The following IGSF3 variants were observed in gnomAD, a reference collection of about 807,000 sequenced individuals.
The protein encoded by IGSF3 is glu-Trp-Ile EWI motif-containing protein 3.
IGSF3 carries 23 observed loss-of-function variants against 114.4 expected under a neutral mutation model. That is an observed-to-expected ratio of 0.20 (90% CI 0.14 to 0.28). The LOEUF (loss-of-function observed/expected upper bound fraction) is 0.28. Among genes scored for constraint, IGSF3 ranks in the 10% least tolerant of loss-of-function variants. The pLI, the probability that IGSF3 is intolerant of heterozygous loss-of-function variation, is 1.00. For synonymous variants in IGSF3, 571 were observed against 645.2 expected, an observed-to-expected ratio of 0.88 and a Z score of 1.74; for missense variants, 1,172 against 1,591.5, an observed-to-expected ratio of 0.74 and a Z score of 4.48.
Position 116,600,445 on chromosome 1 carries a change from G to A in IGSF3, c.1625-100C>T, listed in dbSNP as rs59940339. On this transcript the variant is annotated intron_variant, in intron 6 of 10. Transcript: ENST00000369486. This position sits in a 1 kb window ranked among gnomAD's most constrained non-coding sequence, Gnocchi z 5.5. ...GCAGCTGGCAAAGCAAGCAGTGTGG[G>A]ACAGAGGCTCTCGGAGCCCCTTTTG... 43,031 of 963,674 alleles carry A rather than the reference G, an allele frequency of 0.045. 1,545 individuals carry two copies. The highest frequency in any genetic ancestry group is 0.1 in the African/African-American group (6,274 of 60,844). The allele number at this position is 963,674 out of a possible 1,614,324, so 59.7% of individuals were successfully genotyped here. A position where few individuals can be genotyped will look rare whatever the true frequency, so the allele number is the denominator to read the frequency against.
intron 2 of IGSF3, among the ~76,000 whole-genome samples, chr1:116,652,538 T>C (rs1648675630): frequency 6.6e-6 from 1 of 152,168 alleles, no homozygotes; most frequent in Non-Finnish European, 1.5e-5. Flanking sequence ...CCAAATTCTT[T>C]TGCAAGACAC....
At chr1:116,581,320 CTTTTTTTTTT>C (rs955415319) in intron 9 of IGSF3, among the ~76,000 whole-genome samples, 3 of 70,592 alleles carry the variant, frequency 4.2e-5, no homozygotes, top group African/African-American at 1.1e-4. Context: ...GTTTTGCTGT[CTTTTTTTTTT>C]TTTTTTTTTT....
chr1:116,651,971 T>C lies in IGSF3; in HGVS notation c.43+14313A>G, dbSNP rs1388911632. On this transcript the variant is annotated intron_variant, in intron 2 of 10. Transcript: ENST00000369486. The surrounding 1 kb of genome is among the most constrained non-coding windows in gnomAD (Gnocchi z 4.4). Reference sequence around the variant, plus strand: ...CTGGCCAAGCATATAGCAGAACACATCATATATTTGTTAAATGTATTGATT... The same window carrying C: ...CTGGCCAAGCATATAGCAGAACACACCATATATTTGTTAAATGTATTGATT... Among the ~76,000 whole-genome samples, 1 of 152,194 alleles carries C rather than the reference T, an allele frequency of 6.6e-6. No individual in the cohort carries two copies. Among genetic ancestry groups the C allele is most frequent in the Non-Finnish European group, 1.5e-5 (1 of 68,038 alleles).
rs980468525 is a variant in IGSF3, at chr1:116,629,170, A to G, written c.44-12713T>C. Among the ~76,000 whole-genome samples the G allele has an allele frequency of 1.3e-5, 2 of 152,250 alleles. No homozygotes were observed. Among genetic ancestry groups the G allele is most frequent in the African/African-American group, 4.8e-5 (2 of 41,470 alleles). On this transcript the variant is annotated intron_variant, in intron 2 of 10. Transcript: ENST00000369486. The surrounding 1 kb of genome is among the most constrained non-coding windows in gnomAD (Gnocchi z 4.3). Reference sequence around the variant, plus strand: ...CTCCCCATGTGGTGAAATAGTATGCAACCATTTAAAAACTGCAGAGAACAA... The same window carrying G: ...CTCCCCATGTGGTGAAATAGTATGCGACCATTTAAAAACTGCAGAGAACAA...
rs557463998 is a variant in IGSF3 at position 116,589,125 on chromosome 1, C to G, written c.2030-21G>C. 6.3e-7 allele frequency: 1 copy of G among 1,596,966 alleles called. No individual in the cohort carries two copies. The highest frequency in any genetic ancestry group is 1.3e-5 in the African/African-American group (1 of 74,616). ...TGTCACTGCAAAGGAAAGGGGAACA[C>G]AGGAATCACCACAGACTCCCAGAAA... On this transcript the variant is annotated intron_variant, in intron 7 of 10. Transcript: ENST00000369486. The surrounding 1 kb of genome is among the most constrained non-coding windows in gnomAD (Gnocchi z 5.7).
At chr1:116,601,116 A>G (rs534305427) in intron 6 of IGSF3, among the ~76,000 whole-genome samples, 51 of 152,320 alleles carry the variant, frequency 3.3e-4, no homozygotes, top group South Asian at 8.3e-4. Context: ...TCTAGGTGCA[A>G]GCATGGTGCC....
rs1419898763 is a variant in IGSF3, at chr1:116,625,738, C to A, written c.44-9281G>T. ...CAAAAATATCATTCATTCACTCTTT[C>A]ATTCTTTCTCTTATCTGAATCCCCA... On this transcript the variant is annotated intron_variant, in intron 2 of 10. Coordinates refer to ENST00000369486, the MANE Select transcript of IGSF3 (RefSeq NM_001007237.3). This position sits in a 1 kb window ranked among gnomAD's most constrained non-coding sequence, Gnocchi z 4.7. Among the ~76,000 whole-genome samples, 6 of 152,218 alleles carry A rather than the reference C, an allele frequency of 3.9e-5. No individual in the cohort carries two copies. The highest frequency in any genetic ancestry group is 8.8e-5 in the Non-Finnish European group (6 of 68,038).
intron 2 of IGSF3, among the ~76,000 whole-genome samples, chr1:116,631,047 G>C (rs1268553941): frequency 1.3e-5 from 2 of 152,150 alleles, no homozygotes; most frequent in African/African-American, 2.4e-5. Context: ...GGCCGGGCAT[G>C]GTGGCTCACG....
chr1:116,601,626 ATCTTTTGGC>A (rs1425638585), intron 6 of IGSF3, among the ~76,000 whole-genome samples: 2 of 152,242 alleles, frequency 1.3e-5, no homozygotes, highest in Non-Finnish European at 2.9e-5. Context: ...CACAGGATGA[ATCTTTTGGC>A]TTTCTATGGT....
chr1:116,634,189 C>T lies in IGSF3; in HGVS notation c.44-17732G>A, dbSNP rs115194459. On this transcript the variant is annotated intron_variant, in intron 2 of 10. Transcript: ENST00000369486. The surrounding 1 kb of genome is among the most constrained non-coding windows in gnomAD (Gnocchi z 4.2). ...AACACATGTGAATGTATTACCTATT[C>T]GAAAAACAAATGAGTAAAAACACAT... 0.013 allele frequency among the ~76,000 whole-genome samples: 1,910 copies of T among 152,132 alleles called. 32 individuals carry two copies. The highest frequency in any genetic ancestry group is 0.031 in the African/African-American group (1,297 of 41,474).
In IGSF3 at chr1:116,598,801, C is replaced by T. The variant is rs1660448969; in HGVS notation, c.2029+1140G>A. On this transcript the variant is annotated intron_variant, in intron 7 of 10. Coordinates refer to ENST00000369486, the MANE Select transcript of IGSF3 (RefSeq NM_001007237.3). The surrounding 1 kb of genome is among the most constrained non-coding windows in gnomAD (Gnocchi z 4.3). ...CTACTGCCTGGGCTCCACCCTCCACCAGCTTCTAACCTGGCAGGAGACAAG... is the reference window on the plus strand; with the variant it reads ...CTACTGCCTGGGCTCCACCCTCCACTAGCTTCTAACCTGGCAGGAGACAAG... 6.6e-6 allele frequency among the ~76,000 whole-genome samples: 1 copy of T among 152,224 alleles called. No individual in the cohort carries two copies. Among genetic ancestry groups the T allele is most frequent in the Non-Finnish European group, 1.5e-5 (1 of 68,040 alleles).
chr1:116,585,050 T>C lies in IGSF3; in HGVS notation c.2443A>G (p.Ser815Gly), dbSNP rs1365750869. Residue 815 changes from serine (S) to glycine (G), a missense_variant and splice_region_variant, in exon 9 of 11, where the codon AGC becomes GGC. Around this residue, in one of 3 missense-constraint regions of IGSF3, gnomAD observed 423 missense variants for 509.8 expected, o/e 0.83. Transcript: ENST00000369486. This position sits in a 1 kb window ranked among gnomAD's most constrained non-coding sequence, Gnocchi z 4.9. The stretch of plus-strand genomic sequence containing the variant: ...TGGGCTTGGCTGAGCCTCAGGCGGC[T>C]GTCTGGAACAGTAAGGAAGAGACGT... ...RTEVTVKQPD[S>G]RLRLSQAQGN... The C allele has an allele frequency of 6.6e-7, 1 of 1,525,622 alleles. No individual in the cohort carries two copies. Among genetic ancestry groups the C allele is most frequent in the East Asian group, 2.3e-5 (1 of 43,898 alleles). The allele number at this position is 1,525,622 out of a possible 1,614,324, so 94.5% of individuals were successfully genotyped here.
Position 116,627,923 on chromosome 1 carries a change from C to G in IGSF3, c.44-11466G>C, listed in dbSNP as rs1647374429. On this transcript the variant is annotated intron_variant, in intron 2 of 10. Transcript: ENST00000369486. The surrounding 1 kb of genome is among the most constrained non-coding windows in gnomAD (Gnocchi z 4.7). The stretch of plus-strand genomic sequence containing the variant: ...CGTGTCCTACTCAGAGCAGCCCCTT[C>G]AGCTCTTCACCCTGGAAAGCACTCC... 6.6e-6 allele frequency among the ~76,000 whole-genome samples: 1 copy of G among 152,154 alleles called. No homozygotes were observed. The highest frequency in any genetic ancestry group is 1.5e-5 in the Non-Finnish European group (1 of 68,022).
Position 116,599,951 on chromosome 1 carries a change from C to G in IGSF3, c.2019G>C (p.Val673=). ...ERTSNLLEIR[V]LQPVTKLQVS... ...GTCCGCAGCACTCACCTGGCTGCAGCACCCTGATCTCCAGCAGGTTGGAGG... is the reference window on the plus strand; with the variant it reads ...GTCCGCAGCACTCACCTGGCTGCAGGACCCTGATCTCCAGCAGGTTGGAGG... The change falls in exon 7 of 11, where the codon GTG becomes GTC. Residue 673 remains valine (V), a synonymous_variant. Coordinates refer to ENST00000369486, the MANE Select transcript of IGSF3 (RefSeq NM_001007237.3). 6.2e-7 allele frequency: 1 copy of G among 1,610,854 alleles called. No individual in the cohort carries two copies. Among genetic ancestry groups the G allele is most frequent in the African/African-American group, 1.3e-5 (1 of 75,006 alleles).
Position 116,654,437 on chromosome 1 carries a change from G to A in IGSF3, c.43+11847C>T, listed in dbSNP as rs940331322. Among the ~76,000 whole-genome samples the A allele has an allele frequency of 1.5e-4, 23 of 152,322 alleles. No homozygotes were observed. The highest frequency in any genetic ancestry group is 5.5e-4 in the African/African-American group (23 of 41,566). On this transcript the variant is annotated intron_variant, in intron 2 of 10. Transcript: ENST00000369486. The surrounding 1 kb of genome is among the most constrained non-coding windows in gnomAD (Gnocchi z 4.4). The stretch of plus-strand genomic sequence containing the variant: ...CTCCTTAGGGTTAACCCCAGGTTGG[G>A]AGAGGGCATCTGGCAAGGAACAGAC...
chr1:116,622,909 G>C (rs1277185182), intron 2 of IGSF3, among the ~76,000 whole-genome samples: 1 of 152,226 alleles, frequency 6.6e-6, no homozygotes, highest in Non-Finnish European at 1.5e-5. Flanking sequence ...TGCCCACCTG[G>C]TCCTAAAGGA....
chr1:116,662,583 C>G lies in IGSF3; in HGVS notation c.43+3701G>C, dbSNP rs1649161458. ...ACCGTAGAAGATGGCAACATCTTAACACAGCCCTGGGTACCTGGAGGTAGC... is the reference window on the plus strand; with the variant it reads ...ACCGTAGAAGATGGCAACATCTTAAGACAGCCCTGGGTACCTGGAGGTAGC... On this transcript the variant is annotated intron_variant, in intron 2 of 10. Coordinates refer to ENST00000369486, the MANE Select transcript of IGSF3 (RefSeq NM_001007237.3). This position sits in a 1 kb window ranked among gnomAD's most constrained non-coding sequence, Gnocchi z 4.3. Among the ~76,000 whole-genome samples, 1 of 152,162 alleles carries G rather than the reference C, an allele frequency of 6.6e-6. No homozygotes were observed. The highest frequency in any genetic ancestry group is 6.5e-5 in the Admixed American group (1 of 15,290).
Position 116,648,253 on chromosome 1 carries a change from AT to A in IGSF3, c.43+18030del, listed in dbSNP as rs1201186108. 1.3e-5 allele frequency among the ~76,000 whole-genome samples: 2 copies of A among 152,186 alleles called. No homozygotes were observed. The highest frequency in any genetic ancestry group is 2.4e-5 in the African/African-American group (1 of 41,448). ...GAAACAGTGCCACCACTGTCTTTAA[AT>A]TTTCAAACTTATCAAGAAAAGCTCC... On this transcript the variant is annotated intron_variant, in intron 2 of 10. Coordinates refer to ENST00000369486, the MANE Select transcript of IGSF3 (RefSeq NM_001007237.3). The surrounding 1 kb of genome is among the most constrained non-coding windows in gnomAD (Gnocchi z 4.7).
rs566900049 is a variant in IGSF3 at position 116,642,933 on chromosome 1, C to A, written c.43+23351G>T. 6.6e-6 allele frequency among the ~76,000 whole-genome samples: 1 copy of A among 152,296 alleles called. No homozygotes were observed. The highest frequency in any genetic ancestry group is 2.1e-4 in the South Asian group (1 of 4,828). ...CACCACCTGGAACCTCCCTGTCCCACCCATCTTCACTTGCAATACTCACTC... is the reference window on the plus strand; with the variant it reads ...CACCACCTGGAACCTCCCTGTCCCAACCATCTTCACTTGCAATACTCACTC... On this transcript the variant is annotated intron_variant, in intron 2 of 10. Coordinates refer to ENST00000369486, the MANE Select transcript of IGSF3 (RefSeq NM_001007237.3). This position sits in a 1 kb window ranked among gnomAD's most constrained non-coding sequence, Gnocchi z 5.4.
Sources: gnomAD v4.1 joint callset for allele counts (sites outside exome capture counted in the v4.1 genomes callset) on GRCh38, gnomAD v4.1.1 for gene constraint, gnomAD v4.1.1 regional missense constraint, Gnocchi (gnomAD v3.1) non-coding constraint, MANE v1.5 for transcripts, NCBI Gene and HGNC (gene_info 2026-07-23, HGNC 2026-07-21) for gene names.